RAPGEF6: variants seen among roughly 807,000 people sequenced by gnomAD.
RAPGEF6 encodes Rap guanine nucleotide exchange factor 6, also known as PDZ domain containing guanine nucleotide exchange factor (GEF) 2.
In RAPGEF6, 56 loss-of-function variants were observed where a neutral mutation model predicts 171.4. The ratio of observed to expected loss-of-function variants is 0.33; its 90% CI spans 0.26 to 0.41. The LOEUF (loss-of-function observed/expected upper bound fraction) is 0.41, where lower values mean the gene tolerates loss of function less well. Among genes scored for constraint, RAPGEF6 ranks in the 10% least tolerant of loss-of-function variants. The pLI, the probability that RAPGEF6 is intolerant of heterozygous loss-of-function variation, is 1.00. For synonymous variants in RAPGEF6, 692 were observed against 650.1 expected, an observed-to-expected ratio of 1.06 and a Z score of -0.98; for missense variants, 1,674 against 1,921.4, an observed-to-expected ratio of 0.87 and a Z score of 2.41.
intron 21 of RAPGEF6, among the ~76,000 whole-genome samples, chr5:131,452,697 A>C (rs927134024): frequency 6.7e-6 from 1 of 149,692 alleles, no homozygotes; most frequent in East Asian, 2.0e-4. Flanking sequence ...CGATCTCCTG[A>C]CCTTGTGATC....
chr5:131,446,566 T>TGC lies in RAPGEF6; in HGVS notation c.3336_3337dup (p.Gln1113ArgfsTer9). 1.9e-6 allele frequency: 3 copies of TGC among 1,614,276 alleles called. No homozygotes were observed. The highest frequency in any genetic ancestry group is 2.5e-6 in the Non-Finnish European group (3 of 1,180,044). On this transcript the variant is annotated frameshift_variant, in exon 22 of 28. Transcript: ENST00000509018. LOFTEE classifies it high-confidence loss of function. ...CTCTACATCGAGACTGGAAAGATAC[T>TGC]GCTTCACCTTCCTTGCCATTTGGGC... is the stretch of plus-strand genomic sequence containing the variant.
chr5:131,612,150 T>C (rs1032952631), intron 1 of RAPGEF6, among the ~76,000 whole-genome samples: 5 of 151,814 alleles, frequency 3.3e-5, no homozygotes, highest in Non-Finnish European at 7.4e-5. Context: ...TCCTCCCACG[T>C]TGGCCTTCCA....
chr5:131,548,351 T>C (rs1015013243), intron 5 of RAPGEF6, among the ~76,000 whole-genome samples, 161 bp from the exon 6 acceptor site: 3 of 152,208 alleles, frequency 2.0e-5, no homozygotes, highest in Non-Finnish European at 4.4e-5. Context: ...AGTTAAAGAT[T>C]AGAGGTGATG....
intron 6 of RAPGEF6, among the ~76,000 whole-genome samples, chr5:131,545,471 C>T (rs528139662): frequency 6.6e-6 from 1 of 152,058 alleles, no homozygotes; most frequent in South Asian, 2.1e-4. Flanking sequence ...TCCTCCTGAT[C>T]TTTTTCTCTC....
chr5:131,616,197 G>T (rs893820314), intron 1 of RAPGEF6, among the ~76,000 whole-genome samples: 2 of 152,154 alleles, frequency 1.3e-5, no homozygotes, highest in African/African-American at 4.8e-5. Context: ...TTTTTATAGC[G>T]AAGGTGGGAT....
intron 9 of RAPGEF6, among the ~76,000 whole-genome samples, chr5:131,507,497 A>G (rs1757444517): frequency 6.6e-6 from 1 of 152,096 alleles, no homozygotes; most frequent in South Asian, 2.1e-4. Flanking sequence ...ATAATGAAGC[A>G]CTTCCTGATG....
chr5:131,613,460 T>C (rs1765069242), intron 1 of RAPGEF6, among the ~76,000 whole-genome samples: 2 of 149,474 alleles, frequency 1.3e-5, no homozygotes, highest in Non-Finnish European at 3.0e-5. Context: ...TATATATATA[T>C]GTATGTATGT....
intron 2 of RAPGEF6, 34 bp downstream of exon 2, chr5:131,604,589 C>T (rs749255213): frequency 3.1e-6 from 5 of 1,600,096 alleles, no homozygotes; most frequent in Middle Eastern, 1.7e-4. Flanking sequence ...AATGGCTATA[C>T]AGCGTGTGCT....
chr5:131,582,583 G>GA (rs1171729792), intron 4 of RAPGEF6, among the ~76,000 whole-genome samples: 1 of 151,938 alleles, frequency 6.6e-6, no homozygotes, highest in Non-Finnish European at 1.5e-5. Context: ...TCCATTCAGG[G>GA]AAAAAAATGA....
intron 17 of RAPGEF6, among the ~76,000 whole-genome samples, chr5:131,465,697 C>A (rs575641136): frequency 5.7e-4 from 87 of 152,160 alleles, no homozygotes; most frequent in African/African-American, 2.0e-3. Context: ...GTGGGAGCAT[C>A]ACTTGAGCCT....
intron 1 of RAPGEF6, among the ~76,000 whole-genome samples, chr5:131,615,403 T>G (rs1196245892): frequency 6.6e-6 from 1 of 152,212 alleles, no homozygotes; most frequent in Admixed American, 6.5e-5. Flanking sequence ...TTGGGGCTTT[T>G]GTGTCAATTA....
intron 5 of RAPGEF6, among the ~76,000 whole-genome samples, chr5:131,551,252 G>A (rs189006986): frequency 7.5e-4 from 114 of 152,210 alleles, no homozygotes; most frequent in Middle Eastern, 3.4e-3. Context: ...GGTGGCTCAC[G>A]CCTGTAATCC....
rs1475014800 is a variant in RAPGEF6 at position 131,423,969 on chromosome 5, A to G, written c.*3297T>C. 1 of 152,298 alleles carries G rather than the reference A, an allele frequency of 6.6e-6. No individual in the cohort carries two copies. Among genetic ancestry groups the G allele is most frequent in the Non-Finnish European group, 1.5e-5 (1 of 68,032 alleles). The allele number at this position is 152,298 out of a possible 1,614,324, so 9.4% of individuals were successfully genotyped here. ...CCACCAATGTATTAGTAGATATGATAATAATAAATGGTATTTTTACATTCT... is the reference window on the plus strand; with the variant it reads ...CCACCAATGTATTAGTAGATATGATGATAATAAATGGTATTTTTACATTCT... On this transcript the variant is annotated 3_prime_UTR_variant, in exon 28 of 28. Coordinates refer to ENST00000509018, the MANE Select transcript of RAPGEF6 (RefSeq NM_016340.6).
chr5:131,544,560 A>G (rs1316640941), intron 6 of RAPGEF6, among the ~76,000 whole-genome samples: 1 of 152,256 alleles, frequency 6.6e-6, no homozygotes, highest in Non-Finnish European at 1.5e-5. Context: ...TTTAGAAAAG[A>G]TGAATTACAA....
chr5:131,470,646 G>A (rs1033723526), intron 17 of RAPGEF6, among the ~76,000 whole-genome samples: 3 of 152,110 alleles, frequency 2.0e-5, no homozygotes, highest in South Asian at 2.1e-4. Context: ...AATGTTCTAC[G>A]TAGTGTGAAA....
intron 22 of RAPGEF6, among the ~76,000 whole-genome samples, chr5:131,444,499 A>G (rs1457111594): frequency 6.6e-6 from 1 of 152,238 alleles, no homozygotes; most frequent in Non-Finnish European, 1.5e-5. Flanking sequence ...AAATTCTATA[A>G]TGCTCAGAAA....
At chr5:131,530,746 T>A (rs558493270) in intron 6 of RAPGEF6, among the ~76,000 whole-genome samples, 1 of 152,206 alleles carries the variant, frequency 6.6e-6, no homozygotes, top group African/African-American at 2.4e-5. Flanking sequence ...CCATATTTGT[T>A]AAATCTGGGA....
intron 19 of RAPGEF6, among the ~76,000 whole-genome samples, chr5:131,456,548 C>G (rs1269169722): frequency 5.3e-5 from 8 of 152,170 alleles, no homozygotes; most frequent in Non-Finnish European, 1.2e-4. Context: ...CAATGTCTCC[C>G]TTCCACAGGA....
intron 1 of RAPGEF6, among the ~76,000 whole-genome samples, chr5:131,628,460 G>A (rs1311761542): frequency 1.3e-5 from 2 of 152,160 alleles, no homozygotes; most frequent in East Asian, 1.9e-4. Flanking sequence ...AGAAAAGTTT[G>A]AAGCTGGTGG....
Sources: gnomAD v4.1 joint callset for allele counts (sites outside exome capture counted in the v4.1 genomes callset) on GRCh38, gnomAD v4.1.1 for gene constraint, MANE v1.5 for transcripts, NCBI Gene and HGNC (gene_info 2026-07-23, HGNC 2026-07-21) for gene names.